The following SLC7A1 variants were observed in gnomAD, a reference collection of about 807,000 sequenced individuals.
SLC7A1 encodes solute carrier family 7 member 1, also known as high affinity cationic amino acid transporter 1.
In SLC7A1, 10 loss-of-function variants were observed where a neutral mutation model predicts 53.9. The ratio of observed to expected loss-of-function variants is 0.19; its 90% CI spans 0.11 to 0.31. SLC7A1 has a LOEUF of 0.31. SLC7A1 is among the 10% of genes least tolerant of loss of function. The pLI, the probability that SLC7A1 is intolerant of heterozygous loss-of-function variation, is 1.00. For synonymous variants in SLC7A1, 342 were observed against 338.7 expected (o/e 1.01, Z -0.11); for missense variants, 525 against 827.2 (o/e 0.63, Z 4.48).
rs550978765 is a variant in SLC7A1, at chr13:29,565,497, T to C, written c.-114-11637A>G. On this transcript the variant is annotated intron_variant, in intron 1 of 12. Transcript: ENST00000380752. ...GGAAGAGGGGGCCTGCTGTTGATGG[T>C]CTAGGCCCACCTTCTCCAGGACCTC... Among the ~76,000 whole-genome samples the C allele has an allele frequency of 2.0e-5, 3 of 152,322 alleles. No homozygotes were observed. In the East Asian group the frequency reaches 5.8e-4, roughly 29 times the overall value.
In SLC7A1 at chr13:29,522,435, G is replaced by A. The variant is rs779893771; in HGVS notation, c.1071C>T (p.Pro357=). The change falls in exon 8 of 13, where the codon CCC becomes CCT. Residue 357 remains proline, a synonymous_variant. Transcript: ENST00000380752. ...LSASLLGSMF[P]MPRVIYAMAE... ...CCATGGCATAGATAACCCGAGGCAT[G>A]GGAAACATGGAACCTAGAAGACTAG... 4.3e-6 allele frequency: 7 copies of A among 1,614,196 alleles called. No individual in the cohort carries two copies. Among genetic ancestry groups the A allele is most frequent in the Non-Finnish European group, 5.1e-6 (6 of 1,180,030 alleles).
chr13:29,538,038 A>G (rs9579397), intron 2 of SLC7A1, among the ~76,000 whole-genome samples: 47,609 of 152,048 alleles, frequency 0.31, 7,848 homozygotes, highest in African/African-American at 0.36. Flanking sequence ...GCAACTGGGG[A>G]TGGTGCCTGC....
intron 3 of SLC7A1, 55 bp from the exon 4 acceptor site, chr13:29,533,037 T>C: frequency 2.6e-6 from 4 of 1,525,230 alleles, no homozygotes; most frequent in Non-Finnish European, 3.6e-6. Flanking sequence ...TAGCCAGGTA[T>C]TTGTAGTGGA....
rs138345945 is a variant in SLC7A1 at position 29,580,560 on chromosome 13, A to C, written c.-115+14856T>G. Among the ~76,000 whole-genome samples, 255 of 152,238 alleles carry C rather than the reference A, an allele frequency of 1.7e-3. 1 individual carries two copies. The highest frequency in any genetic ancestry group is 6.0e-3 in the African/African-American group (249 of 41,552). ...TTTTCACACCTGGAAACAAGTCTTAATTTCCTCACGTGGCTGCTTCACTAA... is the reference window on the plus strand; with the variant it reads ...TTTTCACACCTGGAAACAAGTCTTACTTTCCTCACGTGGCTGCTTCACTAA... On this transcript the variant is annotated intron_variant, in intron 1 of 12. Coordinates refer to ENST00000380752, the MANE Select transcript of SLC7A1 (RefSeq NM_003045.5).
At chr13:29,566,919 T>C (rs1440468779) in intron 1 of SLC7A1, among the ~76,000 whole-genome samples, 3 of 152,232 alleles carry the variant, frequency 2.0e-5, no homozygotes, top group Non-Finnish European at 4.4e-5. Flanking sequence ...CATACTTTAA[T>C]TCTGCTTCAA....
intron 3 of SLC7A1, among the ~76,000 whole-genome samples, chr13:29,533,682 T>G (rs1458253901): frequency 6.6e-6 from 1 of 152,130 alleles, no homozygotes; most frequent in Admixed American, 6.5e-5. Context: ...CCCCTCAGCC[T>G]GCACCCTCCG....
At chr13:29,534,215 C>T (rs1052890361) in intron 3 of SLC7A1, among the ~76,000 whole-genome samples, 1 of 152,204 alleles carries the variant, frequency 6.6e-6, no homozygotes, top group African/African-American at 2.4e-5. Flanking sequence ...GCTGGAAAAA[C>T]TGCCCTTCCC....
chr13:29,587,701 C>A (rs548803170), intron 1 of SLC7A1, among the ~76,000 whole-genome samples: 3 of 152,352 alleles, frequency 2.0e-5, no homozygotes, highest in Admixed American at 6.5e-5. Context: ...GATCTCCACC[C>A]TTCCCCACCT....
chr13:29,592,161 T>C (rs1196094403), intron 1 of SLC7A1, among the ~76,000 whole-genome samples: 2 of 152,196 alleles, frequency 1.3e-5, no homozygotes, highest in Non-Finnish European at 2.9e-5. Flanking sequence ...AATCATCCCA[T>C]TCTGCATTGA....
At position 29,535,014 on chromosome 13, in the gene SLC7A1, G is replaced by A. The variant is rs543430095; in HGVS notation, c.370+805C>T. Reference sequence around the variant, plus strand: ...TTGCTGGGTGGATGTGTTACAGGCCGATGCCCAGTGCCCACACTGCAGGGA... The same window carrying A: ...TTGCTGGGTGGATGTGTTACAGGCCAATGCCCAGTGCCCACACTGCAGGGA... On this transcript the variant is annotated intron_variant, in intron 3 of 12. Transcript: ENST00000380752. Among the ~76,000 whole-genome samples, 16 of 152,300 alleles carry A rather than the reference G, an allele frequency of 1.1e-4. No homozygotes were observed. The East Asian group carries it at 3.1e-3, about 29-fold the overall frequency.
intron 1 of SLC7A1, among the ~76,000 whole-genome samples, chr13:29,586,002 G>A (rs1465506881): frequency 6.6e-6 from 1 of 152,208 alleles, no homozygotes; most frequent in Admixed American, 6.5e-5. Flanking sequence ...AGGACAAACT[G>A]GCCCAAAGGT....
rs528249879 is a variant in SLC7A1 at position 29,510,757 on chromosome 13, C to A, written c.*3723G>T. ...TCTTCATGGTGTGGGTTCTTGGCTGCCAACAGAACTGTCAGCCTTTATTAA... is the reference window on the plus strand; with the variant it reads ...TCTTCATGGTGTGGGTTCTTGGCTGACAACAGAACTGTCAGCCTTTATTAA... On this transcript the variant is annotated 3_prime_UTR_variant, in exon 13 of 13. Transcript: ENST00000380752. 1.3e-5 allele frequency: 2 copies of A among 152,402 alleles called. No homozygotes were observed. Among genetic ancestry groups the A allele is most frequent in the East Asian group, 3.9e-4 (2 of 5,184 alleles). 9.4% of individuals were successfully genotyped at this position (152,402 alleles called of 1,614,324 possible).
chr13:29,531,716 C>T (rs568742800), intron 4 of SLC7A1, among the ~76,000 whole-genome samples: 3 of 152,164 alleles, frequency 2.0e-5, no homozygotes, highest in South Asian at 4.2e-4. Context: ...TGTCTGTAAT[C>T]GCAGCTACTG....
intron 1 of SLC7A1, among the ~76,000 whole-genome samples, chr13:29,577,786 C>T (rs941430434): frequency 2.0e-5 from 3 of 152,144 alleles, no homozygotes; most frequent in African/African-American, 7.2e-5. Context: ...GAGGAGCTCA[C>T]AAAGCAGGCT....
intron 2 of SLC7A1, among the ~76,000 whole-genome samples, chr13:29,537,758 T>C (rs1869489095): frequency 6.6e-6 from 1 of 152,246 alleles, no homozygotes; most frequent in Non-Finnish European, 1.5e-5. Context: ...GCTATCGTCA[T>C]GACTTTTGGC....
rs908774835 is a variant in SLC7A1 at position 29,550,703 on chromosome 13, A to C, written c.-15+3058T>G. Reference sequence around the variant, plus strand: ...CCAGTCAAGCCTCCAGATGAAAACCAAGCCCAGGCCAGCATCCAGACTGTA... The same window carrying C: ...CCAGTCAAGCCTCCAGATGAAAACCCAGCCCAGGCCAGCATCCAGACTGTA... On this transcript the variant is annotated intron_variant, in intron 2 of 12. Coordinates refer to ENST00000380752, the MANE Select transcript of SLC7A1 (RefSeq NM_003045.5). 3.3e-5 allele frequency among the ~76,000 whole-genome samples: 5 copies of C among 152,316 alleles called. No individual in the cohort carries two copies. In the South Asian group the frequency reaches 1.0e-3, roughly 32 times the overall value.
intron 1 of SLC7A1, among the ~76,000 whole-genome samples, chr13:29,588,451 T>G (rs1871977643): frequency 6.6e-6 from 1 of 151,858 alleles, no homozygotes; most frequent in Non-Finnish European, 1.5e-5. Flanking sequence ...CCTGTGCATC[T>G]GAGAGACGGT....
chr13:29,512,088 T>A lies in SLC7A1; in HGVS notation c.*2392A>T, dbSNP rs3011623. ...CACCATTGCTTAAATCACTCCCCTC[T>A]CACACAGAGAGAAAACCCCTGGCAA... On this transcript the variant is annotated 3_prime_UTR_variant, in exon 13 of 13. Coordinates refer to ENST00000380752, the MANE Select transcript of SLC7A1 (RefSeq NM_003045.5). The A allele has an allele frequency of 5.9e-5, 9 of 152,112 alleles. No homozygotes were observed. The highest frequency in any genetic ancestry group is 2.1e-4 in the South Asian group (1 of 4,810). 9.4% of individuals were successfully genotyped at this position (152,112 alleles called of 1,614,324 possible). A position where few individuals can be genotyped will look rare whatever the true frequency, so the allele number is the denominator to read the frequency against.
chr13:29,551,362 G>C (rs73452402), intron 2 of SLC7A1, among the ~76,000 whole-genome samples: 2,483 of 152,286 alleles, frequency 0.016, 76 homozygotes, highest in African/African-American at 0.056. Context: ...AGACCGAAAG[G>C]CCTCCAGGAG....
Sources: gnomAD v4.1 joint callset for allele counts (sites outside exome capture counted in the v4.1 genomes callset) on GRCh38, gnomAD v4.1.1 for gene constraint, MANE v1.5 for transcripts, NCBI Gene and HGNC (gene_info 2026-07-23, HGNC 2026-07-21) for gene names.